EPHA3: variants seen among roughly 807,000 people sequenced by gnomAD.
EPHA3 encodes ephrin type-A receptor 3.
EPHA3 carries 42 observed loss-of-function variants against 107.1 expected under a neutral mutation model. The observed-to-expected ratio is 0.39, with a 90% CI of 0.31 to 0.51. The LOEUF (loss-of-function observed/expected upper bound fraction) is 0.51, where lower values mean the gene tolerates loss of function less well. Ranked by LOEUF, EPHA3 falls within the 20% of genes least tolerant of loss-of-function variation. The probability of loss-of-function intolerance (pLI) is 0.78; values close to 1 mark genes in which losing one functional copy is unlikely to be tolerated. For synonymous variants in EPHA3, 461 were observed against 424.8 expected (o/e 1.09, Z -1.05); for missense variants, 1,183 against 1,211.2 (o/e 0.98, Z 0.35).
At chr3:89,211,998 A>G (rs1185143011) in intron 3 of EPHA3, among the ~76,000 whole-genome samples, 2 of 151,874 alleles carry the variant, frequency 1.3e-5, no homozygotes, top group African/African-American at 4.8e-5. Context: ...AACAAACTCC[A>G]AGAAGCACCA....
At chr3:89,202,963 G>T (rs1576226724) in intron 2 of EPHA3, among the ~76,000 whole-genome samples, 1 of 152,126 alleles carries the variant, frequency 6.6e-6, no homozygotes, top group East Asian at 1.9e-4. Flanking sequence ...GGTTATTCAG[G>T]TGAGCTTCTG....
chr3:89,202,134 C>T (rs1705981738), intron 2 of EPHA3, among the ~76,000 whole-genome samples: 1 of 152,140 alleles, frequency 6.6e-6, no homozygotes, highest in Admixed American at 6.5e-5. Context: ...ACCTCAAATA[C>T]AGAACATATT....
At chr3:89,132,719 T>C (rs571358078) in intron 2 of EPHA3, among the ~76,000 whole-genome samples, 1 of 151,986 alleles carries the variant, frequency 6.6e-6, no homozygotes, top group Non-Finnish European at 1.5e-5. Context: ...AATCAATCAA[T>C]CAATCAATCG....
rs1208175488 is a variant in EPHA3, at chr3:89,145,363, TC to T, written c.153+18092del. The stretch of plus-strand genomic sequence containing the variant: ...ATATACAAAAATATTTAAAATAATA[TC>T]CATCATATCAACTTCTTAATAAAAC... On this transcript the variant is annotated intron_variant, in intron 2 of 16. Transcript: ENST00000336596. Among the ~76,000 whole-genome samples the T allele has an allele frequency of 1.3e-4, 20 of 151,668 alleles. 1 individual carries two copies. In the Admixed American group the frequency reaches 1.3e-3, roughly 10 times the overall value.
intron 5 of EPHA3, among the ~76,000 whole-genome samples, chr3:89,384,448 C>T (rs750581368): frequency 3.3e-5 from 5 of 152,074 alleles, no homozygotes; most frequent in Admixed American, 6.5e-5. Context: ...AATTGTTTTT[C>T]GCTCTCTGGG....
rs1473598 is a variant in EPHA3 at position 89,454,671 on chromosome 3, A to C, written c.2690+4301A>C. ...TCAATATTGAATTCACGTTACACTT[A>C]TAAAAAAATCTCCTTTTGGTTGTTT... On this transcript the variant is annotated intron_variant, in intron 15 of 16. Transcript: ENST00000336596. Among the ~76,000 whole-genome samples the C allele has an allele frequency of 1.4e-4, 21 of 152,316 alleles. No homozygotes were observed. The East Asian group carries it at 3.5e-3, about 25-fold the overall frequency.
intron 5 of EPHA3, among the ~76,000 whole-genome samples, chr3:89,377,142 G>A (rs1708418110): frequency 1.3e-5 from 2 of 151,910 alleles, no homozygotes; most frequent in South Asian, 2.1e-4. Context: ...TTTCTTATCT[G>A]ATTTCATGTC....
chr3:89,440,543 A>T (rs1202037665), intron 13 of EPHA3, among the ~76,000 whole-genome samples: 2 of 152,226 alleles, frequency 1.3e-5, no homozygotes, highest in East Asian at 3.9e-4. Flanking sequence ...CCCATACCGC[A>T]TGAGCTGACT....
At position 89,348,595 on chromosome 3, in the gene EPHA3, T is replaced by C. The variant is rs1333151895; in HGVS notation, c.1306+6505T>C. 1.4e-5 allele frequency among the ~76,000 whole-genome samples: 2 copies of C among 141,056 alleles called. 1 individual carries two copies. Among genetic ancestry groups the C allele is most frequent in the Non-Finnish European group, 3.0e-5 (2 of 65,822 alleles). 92.5% of individuals were successfully genotyped at this position (141,056 alleles called of 152,430 possible). A position where few individuals can be genotyped will look rare whatever the true frequency, so the allele number is the denominator to read the frequency against. ...CTGGATTCATTGATTTTTTGAATGG[T>C]TTTTTGTGTCTCTATTTCCTTCAGT... is the stretch of plus-strand genomic sequence containing the variant. On this transcript the variant is annotated intron_variant, in intron 5 of 16. Coordinates refer to ENST00000336596, the MANE Select transcript of EPHA3 (RefSeq NM_005233.6).
intron 2 of EPHA3, among the ~76,000 whole-genome samples, chr3:89,183,234 A>G (rs1235843786): frequency 6.6e-6 from 1 of 151,974 alleles, no homozygotes; most frequent in African/African-American, 2.4e-5. Context: ...TGTACACACA[A>G]TTGAAATTAA....
Position 89,472,461 on chromosome 3 carries a change from C to A in EPHA3, c.2691-3C>A. 6.2e-7 allele frequency: 1 copy of A among 1,609,846 alleles called. No individual in the cohort carries two copies. The highest frequency in any genetic ancestry group is 1.1e-5 in the South Asian group (1 of 90,292). On this transcript the variant is annotated splice_region_variant and splice_polypyrimidine_tract_variant and intron_variant, in intron 15 of 16. Coordinates refer to ENST00000336596, the MANE Select transcript of EPHA3 (RefSeq NM_005233.6). Reference sequence around the variant, plus strand: ...TCTCCCTTTGGTGTTTTTTTTCTTGCAGGCCATCAAACCTTCTTCTGGACC... The same window carrying A: ...TCTCCCTTTGGTGTTTTTTTTCTTGAAGGCCATCAAACCTTCTTCTGGACC...
intron 2 of EPHA3, among the ~76,000 whole-genome samples, chr3:89,201,010 G>A (rs1319242224): frequency 6.6e-6 from 1 of 152,126 alleles, no homozygotes; most frequent in African/African-American, 2.4e-5. Context: ...TTTTCACGTT[G>A]CTATAAAAAC....
chr3:89,340,067 A>G (rs1707482979), intron 3 of EPHA3, among the ~76,000 whole-genome samples: 1 of 152,228 alleles, frequency 6.6e-6, no homozygotes, highest in Non-Finnish European at 1.5e-5. Flanking sequence ...AAATGAAAAT[A>G]ATATAGTAGA....
chr3:89,331,999 T>C (rs1707300029), intron 3 of EPHA3, among the ~76,000 whole-genome samples: 1 of 152,130 alleles, frequency 6.6e-6, no homozygotes, highest in Non-Finnish European at 1.5e-5. Context: ...ATATCCTGAG[T>C]ATAGAGTTGA....
chr3:89,187,638 CTA>C (rs1210152746), intron 2 of EPHA3, among the ~76,000 whole-genome samples: 1 of 151,948 alleles, frequency 6.6e-6, no homozygotes, highest in Non-Finnish European at 1.5e-5. Flanking sequence ...TTTTAAAAGA[CTA>C]TATGTTCTTA....
intron 5 of EPHA3, among the ~76,000 whole-genome samples, chr3:89,376,777 G>A (rs972808132): frequency 8.5e-5 from 13 of 152,124 alleles, no homozygotes; most frequent in Admixed American, 5.9e-4. Context: ...TGTCATCAGC[G>A]TTATTTGCCA....
chr3:89,211,725 TTTCTTCTTCTTCTTCTCC>T (rs1298346963), intron 3 of EPHA3, among the ~76,000 whole-genome samples: 11,545 of 112,054 alleles, frequency 0.1, 2,434 homozygotes, highest in Non-Finnish European at 0.11. Context: ...TCTTCTTCTT[TTTCTTCTTCTTCTTCTCC>T]TTCTTCTTCT....
At chr3:89,471,623 CA>C in intron 15 of EPHA3, among the ~76,000 whole-genome samples, 1 of 152,242 alleles carries the variant, frequency 6.6e-6, no homozygotes, top group East Asian at 1.9e-4. Flanking sequence ...CTCAACCTCC[CA>C]AAGTGCTGGG....
chr3:89,193,318 T>G (rs1458863319), intron 2 of EPHA3, among the ~76,000 whole-genome samples: 1 of 152,044 alleles, frequency 6.6e-6, no homozygotes, highest in Non-Finnish European at 1.5e-5. Flanking sequence ...AAGCTACAAG[T>G]TTGTAGCTGC....
Sources: allele counts gnomAD v4.1 joint callset (sites outside exome capture counted in the v4.1 genomes callset), GRCh38; gene constraint gnomAD v4.1.1; transcripts MANE v1.5; gene names NCBI Gene and HGNC (gene_info 2026-07-23, HGNC 2026-07-21).